Variants in ZNF638 observed in about 807,000 individuals in gnomAD.
ZNF638 encodes the protein zinc finger protein 638.
In ZNF638, 46 loss-of-function variants were observed where a neutral mutation model predicts 195.6. The observed-to-expected ratio is 0.24, with a 90% CI of 0.19 to 0.30. The LOEUF is 0.30. ZNF638 is among the 10% of genes least tolerant of loss of function. The probability of loss-of-function intolerance (pLI) is 1.00; values close to 1 mark genes in which losing one functional copy is unlikely to be tolerated. For synonymous variants in ZNF638, 845 were observed against 772.0 expected, an observed-to-expected ratio of 1.09 and a Z score of -1.57; for missense variants, 2,440 against 2,325.3, an observed-to-expected ratio of 1.05 and a Z score of -1.01.
In ZNF638 at chr2:71,369,944, C is replaced by T. The variant is rs967698182; in HGVS notation, c.2204C>T (p.Thr735Ile). 4.4e-6 allele frequency: 7 copies of T among 1,599,176 alleles called. No individual in the cohort carries two copies. Among genetic ancestry groups the T allele is most frequent in the African/African-American group, 2.7e-5 (2 of 74,230 alleles). The change falls in exon 8 of 28, where the codon ACA becomes ATA. Residue 735 changes from threonine (T) to isoleucine (I), a missense_variant. Physicochemically the swap from Thr to Ile is moderately conservative, Grantham distance 89. This residue lies in a region of ZNF638 where 1,883 missense variants were observed against 1,739.1 expected (regional missense o/e 1.08). Transcript: ENST00000264447. ...GCAATTATGAAGTACATTGAAACAACACCTCTTACGATAAAAGGAAAAAGT... is the reference window on the plus strand; with the variant it reads ...GCAATTATGAAGTACATTGAAACAATACCTCTTACGATAAAAGGAAAAAGT... ...ITAIMKYIETTPLTIKGKSVK... is the reference protein window; with the variant it reads ...ITAIMKYIETIPLTIKGKSVK...
In ZNF638 at chr2:71,349,919, C is replaced by G; in HGVS notation, c.965C>G (p.Thr322Arg). Residue 322 changes from threonine (T) to arginine (R), a missense_variant, in exon 2 of 28, where the codon ACA (threonine) becomes AGA (arginine). This residue lies in a region of ZNF638 where 305 missense variants were observed against 283.6 expected (regional missense o/e 1.08). Coordinates refer to ENST00000264447, the MANE Select transcript of ZNF638 (RefSeq NM_014497.5). ...NQSINQTVSQ[T>R]MSQSLIPPSM... ...TCCATTAACCAAACAGTTAGCCAGA[C>G]AATGAGTCAATCTCTGATTCCTCCA... The G allele has an allele frequency of 1.2e-6, 2 of 1,614,226 alleles. No homozygotes were observed. Among genetic ancestry groups the G allele is most frequent in the South Asian group, 1.1e-5 (1 of 91,086 alleles).
intron 25 of ZNF638, among the ~76,000 whole-genome samples, chr2:71,430,153 T>C (rs1183043780): frequency 6.6e-6 from 1 of 152,100 alleles, no homozygotes; most frequent in Non-Finnish European, 1.5e-5. Context: ...GAAAAAGTCA[T>C]TTTTCCACAC....
intron 24 of ZNF638, among the ~76,000 whole-genome samples, chr2:71,428,141 A>G (rs892371540): frequency 1.8e-4 from 27 of 152,282 alleles, no homozygotes; most frequent in East Asian, 7.7e-4. Flanking sequence ...GTGGTGAGCA[A>G]TGGTTGTGCC....
chr2:71,378,249 G>A (rs953605273), intron 8 of ZNF638, among the ~76,000 whole-genome samples: 1 of 152,126 alleles, frequency 6.6e-6, no homozygotes, highest in Non-Finnish European at 1.5e-5. Flanking sequence ...TAGCCAAGGA[G>A]TAAAGGCTAA....
At chr2:71,430,430 A>G (rs1319782394) in intron 25 of ZNF638, among the ~76,000 whole-genome samples, 1 of 152,166 alleles carries the variant, frequency 6.6e-6, no homozygotes, top group African/African-American at 2.4e-5. Flanking sequence ...GAGGAATAAG[A>G]GTAAGTAATG....
At chr2:71,386,993 C>T (rs2079655041) in intron 10 of ZNF638, among the ~76,000 whole-genome samples, 1 of 151,920 alleles carries the variant, frequency 6.6e-6, no homozygotes, top group African/African-American at 2.4e-5. Context: ...TATTACAGGC[C>T]AGAGACACCT....
At chr2:71,433,424 T>C (rs940457206) in intron 27 of ZNF638, 141 bp downstream of exon 27, 2 of 623,902 alleles carry the variant, frequency 3.2e-6, no homozygotes, top group Non-Finnish European at 5.6e-6. Flanking sequence ...TGTTTTCTCC[T>C]TCAGTGTACC....
At position 71,423,775 on chromosome 2, in the gene ZNF638, G is replaced by T; in HGVS notation, c.4261G>T (p.Val1421Leu). Residue 1421 changes from valine (V) to leucine (L), a missense_variant, in exon 22 of 28, where the codon GTG (valine) becomes TTG (leucine). Physicochemically the swap from Val to Leu is conservative, Grantham distance 32 (BLOSUM62 1). Transcript: ENST00000264447. ...AAATCAGAAAAGTTTTCCAAAATCT[G>T]TGCCCAGAGATCAAATAAATGCTGA... ...TENQKSFPKS[V>L]PRDQINAEKK... 1 of 1,613,988 alleles carries T rather than the reference G, an allele frequency of 6.2e-7. No individual in the cohort carries two copies. Among genetic ancestry groups the T allele is most frequent in the South Asian group, 1.1e-5 (1 of 91,080 alleles).
intron 21 of ZNF638, among the ~76,000 whole-genome samples, chr2:71,419,801 A>G (rs894236115): frequency 2.0e-5 from 3 of 152,142 alleles, no homozygotes; most frequent in Admixed American, 2.0e-4. Context: ...TGAGGTCTGC[A>G]TGAAAAGTTG....
Position 71,411,951 on chromosome 2 carries a change from T to C in ZNF638, c.3261+3704T>C, listed in dbSNP as rs1350491539. 2.1e-4 allele frequency among the ~76,000 whole-genome samples: 19 copies of C among 92,566 alleles called. No individual in the cohort carries two copies. In the Admixed American group the frequency reaches 2.1e-3, roughly 10 times the overall value. The allele number at this position is 92,566 out of a possible 152,430, so 60.7% of individuals were successfully genotyped here. A position where few individuals can be genotyped will look rare whatever the true frequency, so the allele number is the denominator to read the frequency against. Reference sequence around the variant, plus strand: ...CAATAAACATACGTGTGCATGTGTCTTTATAGCAGCATGATTTATAGTCCT... The same window carrying C: ...CAATAAACATACGTGTGCATGTGTCCTTATAGCAGCATGATTTATAGTCCT... On this transcript the variant is annotated intron_variant, in intron 20 of 27. Transcript: ENST00000264447.
intron 8 of ZNF638, among the ~76,000 whole-genome samples, chr2:71,372,987 C>T (rs868243026): frequency 1.3e-5 from 2 of 152,116 alleles, no homozygotes; most frequent in African/African-American, 2.4e-5. Flanking sequence ...CTTCACAGGC[C>T]ATCTTTTGAC....
At chr2:71,424,308 A>G (rs1390011368) in intron 22 of ZNF638, among the ~76,000 whole-genome samples, 12 of 151,526 alleles carry the variant, frequency 7.9e-5, no homozygotes, top group Admixed American at 6.6e-5. Context: ...AAAAAAAAAA[A>G]GTCTGCAGTG....
At chr2:71,393,383 A>G (rs1335105826) in intron 10 of ZNF638, 3 of 717,198 alleles carry the variant, frequency 4.2e-6, no homozygotes, top group Non-Finnish European at 7.8e-6. Context: ...TTGTGTTCAC[A>G]CCCCCCTCAG....
chr2:71,429,934 TGGTGG>T (rs2080622195), intron 25 of ZNF638, among the ~76,000 whole-genome samples: 1 of 152,134 alleles, frequency 6.6e-6, no homozygotes, highest in South Asian at 2.1e-4. Context: ...AAGCTATAGG[TGGTGG>T]TTCAGTAATT....
Position 71,423,302 on chromosome 2 carries a change from C to G in ZNF638, c.3788C>G (p.Ala1263Gly). Residue 1263 changes from alanine to glycine, a missense_variant, in exon 22 of 28, where the codon GCT (alanine) becomes GGT (glycine). By Grantham distance (60) the Ala-to-Gly change is moderately conservative. Around this residue, in one of 5 missense-constraint regions of ZNF638, gnomAD observed 1,883 missense variants for 1,739.1 expected, o/e 1.08. Transcript: ENST00000264447. ...ACACAGACTATGGTAGAAGCTGTAG[C>G]TGAAGTAGAAAAAAATGAAACTGTT... The part of the protein sequence containing the change: ...GITQTMVEAV[A>G]EVEKNETVSE... 1 of 1,613,806 alleles carries G rather than the reference C, an allele frequency of 6.2e-7. No homozygotes were observed. Among genetic ancestry groups the G allele is most frequent in the East Asian group, 2.2e-5 (1 of 44,860 alleles).
intron 21 of ZNF638, 31 bp from the exon 22 acceptor site, chr2:71,422,783 G>T: frequency 1.9e-6 from 3 of 1,577,686 alleles, no homozygotes; most frequent in Non-Finnish European, 1.7e-6. Context: ...TTTTGTTTGT[G>T]TTCTTTTTGT....
chr2:71,365,377 C>T, intron 5 of ZNF638, 52 bp from the exon 6 acceptor site: 2 of 1,408,074 alleles, frequency 1.4e-6, no homozygotes, highest in South Asian at 1.5e-5. Flanking sequence ...CATGAGATGG[C>T]TCCTACCTTA....
intron 8 of ZNF638, chr2:71,375,650 C>T (rs1009614900): frequency 6.6e-6 from 1 of 152,064 alleles, no homozygotes; most frequent in African/African-American, 2.4e-5. Context: ...TAAACTTTAT[C>T]CTGTAGAGAG....
intron 8 of ZNF638, among the ~76,000 whole-genome samples, chr2:71,371,191 C>T (rs148077238): frequency 6.6e-5 from 10 of 152,254 alleles, no homozygotes; most frequent in Non-Finnish European, 1.3e-4. Context: ...ATTTTTATGG[C>T]TGAAGAGTAC....
Sources: gnomAD v4.1 joint callset for allele counts (sites outside exome capture counted in the v4.1 genomes callset) on GRCh38, gnomAD v4.1.1 for gene constraint, gnomAD v4.1.1 regional missense constraint, MANE v1.5 for transcripts, NCBI Gene and HGNC (gene_info 2026-07-23, HGNC 2026-07-21) for gene names.